Variants in CCDC73 observed in about 807,000 individuals in gnomAD.
CCDC73 encodes the protein coiled-coil domain containing 73.
A neutral mutation model predicts 116.5 loss-of-function variants in CCDC73; 95 were observed. The ratio of observed to expected loss-of-function variants is 0.82; its 90% CI spans 0.69 to 0.97. CCDC73 has a LOEUF of 0.97. Ranked by LOEUF, CCDC73 falls within the 50% of genes least tolerant of loss-of-function variation. CCDC73 has a pLI of 0.00. For synonymous variants in CCDC73, 398 were observed against 401.3 expected (o/e 0.99, Z 0.10); for missense variants, 1,066 against 1,206.8 (o/e 0.88, Z 1.73).
intron 17 of CCDC73, chr11:32,603,375 G>A (rs896873664): frequency 1.2e-5 from 2 of 171,826 alleles, no homozygotes; most frequent in African/African-American, 4.7e-5. Context: ...TAAAAATAGT[G>A]TGTTAAATAA....
At chr11:32,605,230 T>C (rs1477265557) in intron 17 of CCDC73, 1 of 151,462 alleles carries the variant, frequency 6.6e-6, no homozygotes, top group African/African-American at 2.4e-5. Flanking sequence ...CTAAGGAGTG[T>C]TCCTTTTGGA....
intron 1 of CCDC73, chr11:32,794,362 C>T (rs1302636589): frequency 6.6e-6 from 1 of 152,336 alleles, no homozygotes; most frequent in Non-Finnish European, 1.5e-5. Flanking sequence ...CAGTCTCAAT[C>T]CTGCCCAAGC....
At chr11:32,724,710 T>C (rs988525434) in intron 2 of CCDC73, among the ~76,000 whole-genome samples, 1 of 152,154 alleles carries the variant, frequency 6.6e-6, no homozygotes, top group African/African-American at 2.4e-5. Flanking sequence ...GAATGGCAGA[T>C]GTAGGTTGAA....
intron 3 of CCDC73, among the ~76,000 whole-genome samples, chr11:32,703,435 T>C (rs1849829713): frequency 6.6e-6 from 1 of 152,096 alleles, no homozygotes; most frequent in Admixed American, 6.5e-5. Context: ...TAAAAATTTT[T>C]GCTTCCTGTT....
At chr11:32,826,646 C>CAAA in the CCDC73 span, among the ~76,000 whole-genome samples, 16 of 63,464 alleles carry the variant, frequency 2.5e-4, no homozygotes, top group African/African-American at 6.6e-4. Context: ...GATAATAACT[C>CAAA]AAAAAAAAAA....
At chr11:32,665,470 C>A (rs865893806) in intron 9 of CCDC73, among the ~76,000 whole-genome samples, 6 of 152,052 alleles carry the variant, frequency 3.9e-5, no homozygotes, top group Admixed American at 1.3e-4. Flanking sequence ...ATCAGAGACT[C>A]GGATTGCAAC....
chr11:32,830,550 A>G, the CCDC73 span: 2 of 1,598,026 alleles, frequency 1.3e-6, no homozygotes, highest in South Asian at 2.3e-5. Context: ...TTCTGGTTCT[A>G]CTCAGCCAAC....
At chr11:32,788,289 A>G (rs554346338) in intron 1 of CCDC73, among the ~76,000 whole-genome samples, 109 of 152,336 alleles carry the variant, frequency 7.2e-4, no homozygotes, top group Non-Finnish European at 1.4e-3. Flanking sequence ...GTGATAGATA[A>G]ACTTTTAGAA....
chr11:32,703,547 G>A (rs1849830503), intron 3 of CCDC73, among the ~76,000 whole-genome samples: 1 of 151,392 alleles, frequency 6.6e-6, no homozygotes, highest in Non-Finnish European at 1.5e-5. Context: ...TTAACCAAAA[G>A]TAATTAAAAT....
intron 12 of CCDC73, among the ~76,000 whole-genome samples, chr11:32,648,444 A>C (rs1206849500): frequency 6.6e-6 from 1 of 152,244 alleles, no homozygotes; most frequent in Admixed American, 6.5e-5. Flanking sequence ...ATTCATGTTC[A>C]TCTTTCAGTC....
intron 14 of CCDC73, among the ~76,000 whole-genome samples, chr11:32,624,157 C>A (rs1855547185): frequency 6.8e-6 from 1 of 148,034 alleles, no homozygotes; most frequent in East Asian, 1.9e-4. Context: ...TAAGGTGAAA[C>A]CCCATATCTA....
intron 12 of CCDC73, among the ~76,000 whole-genome samples, chr11:32,649,951 A>G (rs918260741): frequency 2.0e-5 from 3 of 152,190 alleles, no homozygotes; most frequent in African/African-American, 7.2e-5. Context: ...TCTATATACT[A>G]TCAAGGTTCA....
At chr11:32,754,878 CT>C (rs34982926) in intron 2 of CCDC73, among the ~76,000 whole-genome samples, 25,661 of 85,956 alleles carry the variant, frequency 0.3, 2,521 homozygotes, top group East Asian at 0.68. Flanking sequence ...ATGGCTTCAA[CT>C]TTTTTTTTTT....
chr11:32,775,031 A>C (rs181139567), intron 1 of CCDC73, among the ~76,000 whole-genome samples: 1 of 152,336 alleles, frequency 6.6e-6, no homozygotes, highest in African/African-American at 2.4e-5. Context: ...ATATGAGGAA[A>C]AAATAACATT....
chr11:32,607,080 ATTTTTTTTTTTTTTTTT>A (rs759164050), intron 17 of CCDC73, among the ~76,000 whole-genome samples: 8 of 74,164 alleles, frequency 1.1e-4, no homozygotes, highest in Non-Finnish European at 7.2e-5. Context: ...CCAAAAATAA[ATTTTTTTTTTTTTTTTT>A]TTTTTTTTTT....
chr11:32,697,315 T>C (rs1404345993), intron 6 of CCDC73, among the ~76,000 whole-genome samples: 1 of 136,250 alleles, frequency 7.3e-6, no homozygotes, highest in Non-Finnish European at 1.6e-5. Flanking sequence ...ATTATACCTA[T>C]GATATTATTA....
chr11:32,653,093 TAGACAGAC>T (rs753077568), intron 12 of CCDC73, 22 bp downstream of exon 12: 2 of 1,275,672 alleles, frequency 1.6e-6, no homozygotes, highest in Non-Finnish European at 1.1e-6. Flanking sequence ...CACAGATAGA[TAGACAGAC>T]AGACAGACAG....
intron 7 of CCDC73, chr11:32,682,096 G>C (rs1422386540): frequency 6.6e-6 from 1 of 151,528 alleles, no homozygotes; most frequent in Non-Finnish European, 1.5e-5. Flanking sequence ...ACTAGAATAA[G>C]TATATACATG....
At chr11:32,669,925 G>A (rs1218498874) in intron 9 of CCDC73, among the ~76,000 whole-genome samples, 2 of 152,164 alleles carry the variant, frequency 1.3e-5, no homozygotes, top group Non-Finnish European at 2.9e-5. Flanking sequence ...CAACAAACAT[G>A]GGAGTGCAGA....
Sources: gnomAD v4.1 joint callset for allele counts (sites outside exome capture counted in the v4.1 genomes callset) on GRCh38, gnomAD v4.1.1 for gene constraint, MANE v1.5 for transcripts, NCBI Gene and HGNC (gene_info 2026-07-23, HGNC 2026-07-21) for gene names.